The following FLNC variants were observed in gnomAD, a reference collection of about 807,000 sequenced individuals.
FLNC encodes filamin C.
A neutral mutation model predicts 254.3 loss-of-function variants in FLNC; 91 were observed. That is an observed-to-expected ratio of 0.36 (90% CI 0.30 to 0.43). The LOEUF is 0.43. FLNC is among the 20% of genes least tolerant of loss of function. The probability of loss-of-function intolerance (pLI) is 1.00; values close to 1 mark genes in which losing one functional copy is unlikely to be tolerated. For missense variants in FLNC, 2,853 were observed against 3,802.6 expected, an observed-to-expected ratio of 0.75 and a Z score of 6.57; for synonymous variants, 1,430 against 1,577.2, an observed-to-expected ratio of 0.91 and a Z score of 2.21.
rs1399172289 is a variant in FLNC, at chr7:128,858,595, A to C, written c.*72A>C. On this transcript the variant is annotated 3_prime_UTR_variant, in exon 48 of 48. Coordinates refer to ENST00000325888, the MANE Select transcript of FLNC (RefSeq NM_001458.5). The surrounding 1 kb of genome is among the most constrained non-coding windows in gnomAD (Gnocchi z 6.7). Reference sequence around the variant, plus strand: ...ACACATTACACACACACACACACACACACAAATGTGCCACACCCAGACACG... The same window carrying C: ...ACACATTACACACACACACACACACCCACAAATGTGCCACACCCAGACACG... The C allele has an allele frequency of 1.9e-5, 21 of 1,094,388 alleles. No individual in the cohort carries two copies. Among genetic ancestry groups the C allele is most frequent in the Admixed American group, 3.6e-5 (2 of 56,322 alleles). The allele number at this position is 1,094,388 out of a possible 1,614,324, so 67.8% of individuals were successfully genotyped here.
chr7:128,845,012 G>T lies in FLNC; in HGVS notation c.3547G>T (p.Ala1183Ser). The T allele has an allele frequency of 6.2e-7, 1 of 1,613,766 alleles. No individual in the cohort carries two copies. The highest frequency in any genetic ancestry group is 8.5e-7 in the Non-Finnish European group (1 of 1,180,012). The change falls in exon 21 of 48, where the codon GCA (alanine) becomes TCA (serine). Residue 1183 changes from alanine (A) to serine (S), a missense_variant. Ala to Ser is a moderately conservative substitution (Grantham distance 99, BLOSUM62 1). Around this residue, in one of 10 missense-constraint regions of FLNC, gnomAD observed 1,573 missense variants for 1,883.5 expected, o/e 0.84. Coordinates refer to ENST00000325888, the MANE Select transcript of FLNC (RefSeq NM_001458.5). ...CACCTTCACTGTGGACTGCTCAGAG[G>T]CAGGCGAGGCGGAGCTGACCATTGA... ...AATFTVDCSE[A>S]GEAELTIEIL...
intron 8 of FLNC, among the ~76,000 whole-genome samples, chr7:128,839,696 G>A (rs1463891250): frequency 6.6e-6 from 1 of 152,260 alleles, no homozygotes; most frequent in Non-Finnish European, 1.5e-5. Context: ...GGTGCCCTGA[G>A]AGGCCCAGAG....
chr7:128,843,287 T>A lies in FLNC; in HGVS notation c.2609T>A (p.Val870Asp), dbSNP rs1192000790. The change falls in exon 17 of 48, where the codon GTC becomes GAC. Residue 870 changes from valine (V) to aspartate (D), a missense_variant. Transcript: ENST00000325888. ...GACCCATCCCACGATGCCAGCAAAG[T>A]CAAGGCCGAGGGCCCTGGGCTGAAT... ...KVDPSHDASK[V>D]KAEGPGLNRT... 1 of 1,612,424 alleles carries A rather than the reference T, an allele frequency of 6.2e-7. No homozygotes were observed. The highest frequency in any genetic ancestry group is 1.1e-5 in the South Asian group (1 of 90,736).
At position 128,849,184 on chromosome 7, in the gene FLNC, C is replaced by G. The variant is rs1808699932; in HGVS notation, c.4931C>G (p.Ser1644Cys). ...GDASKCLVTV[S>C]IGGHGLGACL... ...TCACACTCTTCTCTCTTTCCAGTGT[C>G]CATTGGAGGCCATGGCCTGGGTGAG... Residue 1644 changes from serine (S) to cysteine (C), a missense_variant, in exon 29 of 48, where the codon TCC (serine) becomes TGC (cysteine). Physicochemically the swap from Ser to Cys is moderately radical, Grantham distance 112. Around this residue, in one of 10 missense-constraint regions of FLNC, gnomAD observed 258 missense variants for 312.3 expected, o/e 0.83. Transcript: ENST00000325888. 1.9e-6 allele frequency: 3 copies of G among 1,611,406 alleles called. No homozygotes were observed. Among genetic ancestry groups the G allele is most frequent in the Non-Finnish European group, 2.5e-6 (3 of 1,179,046 alleles).
At position 128,849,969 on chromosome 7, in the gene FLNC, TC is replaced by T. The variant is rs1191085368; in HGVS notation, c.5200-3del. ...ACACCCTGTGCCCCCGTGCCTTGCC[TC>T]CCCAGGCGTGTGACCCCCTGCCGCA... On this transcript the variant is annotated splice_polypyrimidine_tract_variant and splice_region_variant and intron_variant, in intron 30 of 47. Coordinates refer to ENST00000325888, the MANE Select transcript of FLNC (RefSeq NM_001458.5). The T allele has an allele frequency of 6.3e-7, 1 of 1,582,660 alleles. No homozygotes were observed.
In FLNC at chr7:128,856,848, T is replaced by G; in HGVS notation, c.7488T>G (p.Val2496=). The G allele has an allele frequency of 6.2e-7, 1 of 1,614,074 alleles. No individual in the cohort carries two copies. Among genetic ancestry groups the G allele is most frequent in the Non-Finnish European group, 8.5e-7 (1 of 1,179,990 alleles). ...CTGGAAGTCCCTTCAAGATCCGCGT[T>G]GGGGAGCAGAGCCAGGCTGGGGACC... The part of the protein sequence containing the change: ...HIPGSPFKIR[V]GEQSQAGDPG... The change falls in exon 45 of 48, where the codon GTT becomes GTG. Residue 2496 remains valine, a synonymous_variant. Transcript: ENST00000325888. The surrounding 1 kb of genome is among the most constrained non-coding windows in gnomAD (Gnocchi z 5.9).
Position 128,848,591 on chromosome 7 carries a change from T to A in FLNC, c.4611T>A (p.His1537Gln), listed in dbSNP as rs376222096. ...SPFKIKVLPA[H>Q]DASKVRASGP... Reference sequence around the variant, plus strand: ...TCAAGATCAAGGTCCTCCCAGCTCATGATGCCAGCAAGGTGCGGGCCAGCG... The same window carrying A: ...TCAAGATCAAGGTCCTCCCAGCTCAAGATGCCAGCAAGGTGCGGGCCAGCG... The change falls in exon 27 of 48, where the codon CAT becomes CAA. Residue 1537 changes from histidine to glutamine, a missense_variant. Coordinates refer to ENST00000325888, the MANE Select transcript of FLNC (RefSeq NM_001458.5). The A allele has an allele frequency of 1.2e-6, 2 of 1,613,914 alleles. No individual in the cohort carries two copies.
intron 35 of FLNC, 95 bp from the exon 36 acceptor site, chr7:128,852,496 A>G (rs1808859435): frequency 7.0e-7 from 1 of 1,429,678 alleles, no homozygotes; most frequent in South Asian, 1.2e-5. Flanking sequence ...GTGTCTGTTG[A>G]GTCCAGGGGG....
At position 128,841,042 on chromosome 7, in the gene FLNC, G is replaced by A. The variant is rs1808310437; in HGVS notation, c.1813+72G>A. The A allele has an allele frequency of 1.9e-6, 3 of 1,563,434 alleles. No homozygotes were observed. Among genetic ancestry groups the A allele is most frequent in the East Asian group, 2.3e-5 (1 of 43,066 alleles). Reference sequence around the variant, plus strand: ...GCAGGGGACACTGTGGGTAATGGGTGCAGTGCGCATGCTGGGGAGCGCTGG... The same window carrying A: ...GCAGGGGACACTGTGGGTAATGGGTACAGTGCGCATGCTGGGGAGCGCTGG... On this transcript the variant is annotated intron_variant, in intron 11 of 47. Transcript: ENST00000325888. The surrounding 1 kb of genome is among the most constrained non-coding windows in gnomAD (Gnocchi z 4.3).
In FLNC at chr7:128,854,179, C is replaced by A; in HGVS notation, c.6690C>A (p.Arg2230=). Residue 2230 remains arginine, a synonymous_variant, in exon 40 of 48, where the codon CGC becomes CGA. Transcript: ENST00000325888. ...AVFGDFLGRE[R]LGSFGSITRQ... is the part of the protein sequence containing the mutation. Reference sequence around the variant, plus strand: ...TTGGGGACTTCCTGGGCCGGGAGCGCCTGGGATCCTTCGGCAGCATCACCC... The same window carrying A: ...TTGGGGACTTCCTGGGCCGGGAGCGACTGGGATCCTTCGGCAGCATCACCC... The A allele has an allele frequency of 6.2e-7, 1 of 1,609,390 alleles. No homozygotes were observed.
chr7:128,845,335 G>A lies in FLNC; in HGVS notation c.3790+80G>A. On this transcript the variant is annotated intron_variant, in intron 21 of 47. Coordinates refer to ENST00000325888, the MANE Select transcript of FLNC (RefSeq NM_001458.5). ...AGTCCGTGGGAGGGAGGGAAGAAGA[G>A]CTGAGAGCTGGAAGAGCAACCTGGG... The A allele has an allele frequency of 9.0e-6, 11 of 1,223,760 alleles. No homozygotes were observed. In the South Asian group the frequency reaches 1.3e-4, roughly 14 times the overall value. 75.8% of individuals were successfully genotyped at this position (1,223,760 alleles called of 1,614,324 possible). A position where few individuals can be genotyped will look rare whatever the true frequency, so the allele number is the denominator to read the frequency against.
Position 128,850,444 on chromosome 7 carries a change from C to T in FLNC, c.5359C>T (p.Leu1787=), listed in dbSNP as rs374189615. 1.2e-6 allele frequency: 2 copies of T among 1,614,046 alleles called. No individual in the cohort carries two copies. The highest frequency in any genetic ancestry group is 3.3e-5 in the Admixed American group (2 of 60,034). ...PMESMLRPFN[L]VIPFAVQKGE... is the part of the protein sequence containing the mutation. Reference sequence around the variant, plus strand: ...GGAGTCCATGCTGAGGCCCTTCAACCTGGTCATCCCCTTCGCGGTGCAGAA... The same window carrying T: ...GGAGTCCATGCTGAGGCCCTTCAACTTGGTCATCCCCTTCGCGGTGCAGAA... The change falls in exon 32 of 48, where the codon CTG becomes TTG. Residue 1787 remains leucine (L), a synonymous_variant. Transcript: ENST00000325888.
chr7:128,844,288 G>T, intron 20 of FLNC, 22 bp downstream of exon 20: 2 of 1,590,584 alleles, frequency 1.3e-6, no homozygotes, highest in Non-Finnish European at 1.7e-6. Flanking sequence ...GGAGCTGGTT[G>T]GGGCTGGGAG....
intron 5 of FLNC, 67 bp downstream of exon 5, chr7:128,837,822 A>C (rs552783934): frequency 6.9e-7 from 1 of 1,451,068 alleles, no homozygotes; most frequent in East Asian, 2.4e-5. Context: ...TGGGGCCAAC[A>C]ACAGGAATGG....
chr7:128,850,808 G>A lies in FLNC; in HGVS notation c.5404G>A (p.Val1802Met). ...TAACTGTGTCTGCCCTGCAGGAGAG[G>A]TGCGGATGCCCTCGGGGAAGACGGC... is the stretch of plus-strand genomic sequence containing the variant. The part of the protein sequence containing the change: ...AVQKGELTGE[V>M]RMPSGKTARP... Residue 1802 changes from valine to methionine, a missense_variant, in exon 33 of 48, where the codon GTG becomes ATG. Physicochemically the swap from Val to Met is conservative, Grantham distance 21 (BLOSUM62 1). Around this residue, in one of 10 missense-constraint regions of FLNC, gnomAD observed 258 missense variants for 312.3 expected, o/e 0.83. Transcript: ENST00000325888. 6.2e-7 allele frequency: 1 copy of A among 1,613,796 alleles called. No individual in the cohort carries two copies. The highest frequency in any genetic ancestry group is 8.5e-7 in the Non-Finnish European group (1 of 1,180,032).
Position 128,830,588 on chromosome 7 carries a change from T to C in FLNC, c.-50T>C. 6.4e-7 allele frequency: 1 copy of C among 1,551,564 alleles called. No individual in the cohort carries two copies. The highest frequency in any genetic ancestry group is 1.4e-5 in the African/African-American group (1 of 73,316). On this transcript the variant is annotated 5_prime_UTR_variant, in exon 1 of 48. Transcript: ENST00000325888. Reference sequence around the variant, plus strand: ...CCCAACAGCGCCCGACAGCCCCCGATAGCCCAAACCGCGGCCCTAGCCCCG... The same window carrying C: ...CCCAACAGCGCCCGACAGCCCCCGACAGCCCAAACCGCGGCCCTAGCCCCG...
At chr7:128,833,102 T>C (rs990110542) in intron 1 of FLNC, among the ~76,000 whole-genome samples, 1 of 152,146 alleles carries the variant, frequency 6.6e-6, no homozygotes, top group African/African-American at 2.4e-5. Context: ...TGAGCCCAGG[T>C]TAAAGGAGCT....
chr7:128,858,516 T>C lies in FLNC; in HGVS notation c.8171T>C (p.Val2724Ala), dbSNP rs770027151. Residue 2724 changes from valine to alanine, a missense_variant, in exon 48 of 48, where the codon GTC (valine) becomes GCC (alanine). Coordinates refer to ENST00000325888, the MANE Select transcript of FLNC (RefSeq NM_001458.5). The surrounding 1 kb of genome is among the most constrained non-coding windows in gnomAD (Gnocchi z 6.7). ...SVPGSPFKVK[V>A]P ...CCTGGAAGCCCCTTCAAAGTCAAGG[T>C]CCCTTGAATCCCAAAAGTGCCTCCC... The C allele has an allele frequency of 6.2e-7, 1 of 1,612,504 alleles. No individual in the cohort carries two copies. Among genetic ancestry groups the C allele is most frequent in the Non-Finnish European group, 8.5e-7 (1 of 1,179,534 alleles).
In FLNC at chr7:128,858,698, GGTT is replaced by G. The variant is rs1465964435; in HGVS notation, c.*177_*179del. ...CCTCCCCACCCCACCGCGCCCCAGGGGTTGGAGGACCTTGTCTGTGTCAGGACA... is the reference window on the plus strand; with the variant it reads ...CCTCCCCACCCCACCGCGCCCCAGGGGGAGGACCTTGTCTGTGTCAGGACA... On this transcript the variant is annotated 3_prime_UTR_variant, in exon 48 of 48. Transcript: ENST00000325888. This position sits in a 1 kb window ranked among gnomAD's most constrained non-coding sequence, Gnocchi z 6.7. 3.2e-5 allele frequency: 20 copies of G among 630,764 alleles called. No individual in the cohort carries two copies. Among genetic ancestry groups the G allele is most frequent in the Non-Finnish European group, 5.4e-5 (19 of 351,446 alleles). 39.1% of individuals were successfully genotyped at this position (630,764 alleles called of 1,614,324 possible).
Sources: allele counts gnomAD v4.1 joint callset (sites outside exome capture counted in the v4.1 genomes callset), GRCh38; gene constraint gnomAD v4.1.1; regional missense constraint gnomAD v4.1.1; non-coding constraint Gnocchi (gnomAD v3.1); transcripts MANE v1.5; gene names NCBI Gene and HGNC (gene_info 2026-07-23, HGNC 2026-07-21).